Variants in PLEKHA6 observed in about 807,000 individuals in gnomAD.
The protein encoded by PLEKHA6 is pleckstrin homology domain containing A6.
PLEKHA6 carries 60 observed loss-of-function variants against 116.7 expected under a neutral mutation model. That is an observed-to-expected ratio of 0.51 (90% CI 0.42 to 0.64). PLEKHA6 has a LOEUF of 0.64. Among genes scored for constraint, PLEKHA6 ranks in the 30% least tolerant of loss-of-function variants. The pLI is 0.00. For synonymous variants in PLEKHA6, 489 were observed against 556.1 expected (o/e 0.88, Z 1.70); for missense variants, 1,338 against 1,422.7 (o/e 0.94, Z 0.96).
At chr1:204,311,850 T>A in intron 1 of PLEKHA6, 1 of 167,664 alleles carries the variant, frequency 6.0e-6, no homozygotes, top group Non-Finnish European at 1.2e-5. Context: ...ATCCTTAAAC[T>A]CAGAAAATGC....
chr1:204,243,728 T>C (rs1663187924), intron 15 of PLEKHA6, among the ~76,000 whole-genome samples: 1 of 152,262 alleles, frequency 6.6e-6, no homozygotes, highest in Admixed American at 6.5e-5. Flanking sequence ...GTCATGTTCC[T>C]ATGAATTGGT....
intron 1 of PLEKHA6, among the ~76,000 whole-genome samples, chr1:204,353,250 TGAA>T (rs1673333587): frequency 6.6e-6 from 1 of 152,144 alleles, no homozygotes; most frequent in Non-Finnish European, 1.5e-5. Context: ...TCTCTTGCCT[TGAA>T]GAAGTACAGT....
At chr1:204,324,355 C>A (rs1268533839) in intron 1 of PLEKHA6, among the ~76,000 whole-genome samples, 2 of 152,002 alleles carry the variant, frequency 1.3e-5, no homozygotes, top group South Asian at 4.1e-4. Context: ...CAAAGACATG[C>A]TGAAAAGATT....
At chr1:204,268,488 T>A (rs952306726) in intron 3 of PLEKHA6, among the ~76,000 whole-genome samples, 176 bp from the exon 4 acceptor site, 2 of 152,024 alleles carry the variant, frequency 1.3e-5, no homozygotes, top group African/African-American at 4.8e-5. Context: ...GCAGAGACTT[T>A]CAGTTCTTTG....
chr1:204,345,321 C>A (rs1572212069), intron 1 of PLEKHA6, among the ~76,000 whole-genome samples: 1 of 152,270 alleles, frequency 6.6e-6, no homozygotes, highest in East Asian at 1.9e-4. Context: ...CCCCTCCCTG[C>A]AGACTTTCCT....
chr1:204,225,658 G>C (rs894870034), intron 21 of PLEKHA6, among the ~76,000 whole-genome samples: 2 of 152,126 alleles, frequency 1.3e-5, no homozygotes, highest in African/African-American at 4.8e-5. Flanking sequence ...CCAATGTATT[G>C]TACACTCACA....
At chr1:204,291,015 A>G (rs1669698298) in intron 1 of PLEKHA6, among the ~76,000 whole-genome samples, 1 of 139,122 alleles carries the variant, frequency 7.2e-6, no homozygotes, top group African/African-American at 2.6e-5. Context: ...AGACATTGTT[A>G]CGAAAATGAA....
In PLEKHA6 at chr1:204,237,935, G is replaced by A. The variant is rs137885729; in HGVS notation, c.2409+3440C>T. 7.3e-3 allele frequency among the ~76,000 whole-genome samples: 1,106 copies of A among 152,310 alleles called. 4 individuals carry two copies. Among genetic ancestry groups the A allele is most frequent in the Middle Eastern group, 0.02 (6 of 294 alleles). ...ATGCCAGAGGATGGGAAATAAATCC[G>A]ACTAAAATTCAGGGAACTTCTACCT... On this transcript the variant is annotated intron_variant, in intron 17 of 22. Coordinates refer to ENST00000272203, the MANE Select transcript of PLEKHA6 (RefSeq NM_014935.5).
rs1326979631 is a variant in PLEKHA6, at chr1:204,223,535, G to A, written c.3082C>T (p.Pro1028Ser). ...PPTSPASPAP[P>S]ANPLSSESPR... ...GATTCAGACGACAGGGGGTTTGCTG[G>A]AGGAGCCGGGGAAGCAGGGGAGGTG... Residue 1028 changes from proline to serine, a missense_variant, in exon 22 of 23, where the codon CCA (proline) becomes TCA (serine). By Grantham distance (74) the Pro-to-Ser change is moderately conservative (BLOSUM62 -1). Coordinates refer to ENST00000272203, the MANE Select transcript of PLEKHA6 (RefSeq NM_014935.5). This position sits in a 1 kb window ranked among gnomAD's most constrained non-coding sequence, Gnocchi z 4.8. 6.5e-7 allele frequency: 1 copy of A among 1,550,372 alleles called. No individual in the cohort carries two copies.
At chr1:204,308,102 A>G (rs1671466233) in intron 1 of PLEKHA6, among the ~76,000 whole-genome samples, 1 of 152,184 alleles carries the variant, frequency 6.6e-6, no homozygotes, top group Non-Finnish European at 1.5e-5. Flanking sequence ...CCATAATAGA[A>G]TTAGGCCAGG....
At chr1:204,353,034 C>T (rs1187876701) in intron 1 of PLEKHA6, among the ~76,000 whole-genome samples, 1 of 152,142 alleles carries the variant, frequency 6.6e-6, no homozygotes, top group Non-Finnish European at 1.5e-5. Flanking sequence ...CTAGTACCTG[C>T]CTGGTACATA....
chr1:204,324,445 G>A (rs1003578004), intron 1 of PLEKHA6, among the ~76,000 whole-genome samples: 3 of 152,178 alleles, frequency 2.0e-5, no homozygotes, highest in Non-Finnish European at 4.4e-5. Context: ...TGGGCAATAG[G>A]AAACTCCAGC....
At chr1:204,250,482 C>T (rs1233121416) in intron 10 of PLEKHA6, 64 bp downstream of exon 10, 3 of 1,095,946 alleles carry the variant, frequency 2.7e-6, no homozygotes, top group East Asian at 2.4e-5. Flanking sequence ...GAGAGACAGC[C>T]CCCCGCAGAG....
chr1:204,303,487 G>A (rs543705995), intron 1 of PLEKHA6, among the ~76,000 whole-genome samples: 1 of 152,304 alleles, frequency 6.6e-6, no homozygotes, highest in African/African-American at 2.4e-5. Context: ...TCAAGTCCTA[G>A]GGTGGTTTCA....
At position 204,356,152 on chromosome 1, in the gene PLEKHA6, A is replaced by T. The variant is rs1487657856; in HGVS notation, c.-95+3542T>A. Among the ~76,000 whole-genome samples, 4 of 152,372 alleles carry T rather than the reference A, an allele frequency of 2.6e-5. No homozygotes were observed. The South Asian group carries it at 6.2e-4, about 24-fold the overall frequency. Reference sequence around the variant, plus strand: ...TATTGATATGTGTGAAGATTCAGATATTTATATGTTCATTGTAGCCTTGTT... The same window carrying T: ...TATTGATATGTGTGAAGATTCAGATTTTTATATGTTCATTGTAGCCTTGTT... On this transcript the variant is annotated intron_variant, in intron 1 of 22. Transcript: ENST00000272203.
intron 1 of PLEKHA6, chr1:204,325,980 C>G: frequency 1.2e-6 from 1 of 811,954 alleles, no homozygotes; most frequent in South Asian, 5.6e-5. Context: ...CCTCTGCCCA[C>G]AGCAAGCCCC....
At position 204,267,468 on chromosome 1, in the gene PLEKHA6, A is replaced by T. The variant is rs185742090; in HGVS notation, c.280+7T>A. The T allele has an allele frequency of 1.4e-5, 23 of 1,613,116 alleles. No individual in the cohort carries two copies. The Admixed American group carries it at 3.0e-4, about 21-fold the overall frequency. On this transcript the variant is annotated splice_region_variant and intron_variant, in intron 5 of 22. Coordinates refer to ENST00000272203, the MANE Select transcript of PLEKHA6 (RefSeq NM_014935.5). Reference sequence around the variant, plus strand: ...GCCATCCCTGCCAGTCCAAGGGCCAAGCTCACCTTTATAGTAGAAGAGGCA... The same window carrying T: ...GCCATCCCTGCCAGTCCAAGGGCCATGCTCACCTTTATAGTAGAAGAGGCA...
At chr1:204,326,924 C>T (rs1177164328) in intron 1 of PLEKHA6, 1 of 962,968 alleles carries the variant, frequency 1.0e-6, no homozygotes, top group African/African-American at 1.8e-5. Flanking sequence ...GCTCACTGCC[C>T]AAACCCTGGG....
intron 17 of PLEKHA6, among the ~76,000 whole-genome samples, chr1:204,235,886 G>C (rs1324954491): frequency 6.6e-6 from 1 of 152,178 alleles, no homozygotes; most frequent in Admixed American, 6.5e-5. Flanking sequence ...AGAGGCAACA[G>C]TCAAGGCCTC....
Sources: allele counts gnomAD v4.1 joint callset (sites outside exome capture counted in the v4.1 genomes callset), GRCh38; gene constraint gnomAD v4.1.1; non-coding constraint Gnocchi (gnomAD v3.1); transcripts MANE v1.5; gene names NCBI Gene and HGNC (gene_info 2026-07-23, HGNC 2026-07-21).